Variants in GUCY1B1 observed in about 807,000 individuals in gnomAD.
GUCY1B1 encodes the protein guanylate cyclase 1 soluble subunit beta 1.
A neutral mutation model predicts 71.0 loss-of-function variants in GUCY1B1; 43 were observed. The observed-to-expected ratio is 0.61, with a 90% CI of 0.47 to 0.78. The LOEUF is 0.78. GUCY1B1 is among the 30% of genes least tolerant of loss of function. The probability of loss-of-function intolerance (pLI) is 0.00; values close to 1 mark genes in which losing one functional copy is unlikely to be tolerated. For synonymous variants in GUCY1B1, 266 were observed against 259.7 expected, an observed-to-expected ratio of 1.02 and a Z score of -0.23; for missense variants, 535 against 754.1, an observed-to-expected ratio of 0.71 and a Z score of 3.40.
At chr4:155,800,845 G>A (rs372841779) in intron 9 of GUCY1B1, among the ~76,000 whole-genome samples, 33 of 152,116 alleles carry the variant, frequency 2.2e-4, no homozygotes, top group South Asian at 2.1e-3. Context: ...AACATTTGGC[G>A]GAGCTTCTAA....
In GUCY1B1 at chr4:155,792,785, A is replaced by G. The variant is rs902634674; in HGVS notation, c.496-1071A>G. ...TTTGTAAGAGGGCTCATTGCTTGCAATTTCTTAACCCAAAAAGAAGAGGAA... is the reference window on the plus strand; with the variant it reads ...TTTGTAAGAGGGCTCATTGCTTGCAGTTTCTTAACCCAAAAAGAAGAGGAA... On this transcript the variant is annotated intron_variant, in intron 5 of 13. Coordinates refer to ENST00000264424, the MANE Select transcript of GUCY1B1 (RefSeq NM_000857.5). 3.9e-5 allele frequency among the ~76,000 whole-genome samples: 6 copies of G among 152,060 alleles called. No individual in the cohort carries two copies. The South Asian group carries it at 8.3e-4, about 21-fold the overall frequency.
At chr4:155,767,177 C>A (rs1737396973) in intron 2 of GUCY1B1, among the ~76,000 whole-genome samples, 1 of 152,124 alleles carries the variant, frequency 6.6e-6, no homozygotes, top group Non-Finnish European at 1.5e-5. Flanking sequence ...CAAAGACAAC[C>A]AATTTAGCAA....
intron 2 of GUCY1B1, among the ~76,000 whole-genome samples, chr4:155,766,438 T>C (rs1440323465): frequency 1.3e-5 from 2 of 152,182 alleles, no homozygotes; most frequent in Non-Finnish European, 2.9e-5. Context: ...CCTCTTTTTT[T>C]GTAGTGAGAA....
Position 155,803,776 on chromosome 4 carries a change from AAG to A in GUCY1B1, c.1554+13_1554+14del, listed in dbSNP as rs1740119843. On this transcript the variant is annotated intron_variant, in intron 11 of 13. Transcript: ENST00000264424. ...GTGAATCTGTTCAGGTTAGTAAATGAAGTAGATATTGTAATAATGGTATGTAA... is the reference window on the plus strand; with the variant it reads ...GTGAATCTGTTCAGGTTAGTAAATGATAGATATTGTAATAATGGTATGTAA... The A allele has an allele frequency of 2.0e-6, 3 of 1,532,624 alleles. No individual in the cohort carries two copies. Among genetic ancestry groups the A allele is most frequent in the Non-Finnish European group, 2.6e-6 (3 of 1,137,628 alleles). 94.9% of individuals were successfully genotyped at this position (1,532,624 alleles called of 1,614,324 possible).
intron 13 of GUCY1B1, among the ~76,000 whole-genome samples, chr4:155,805,815 C>A (rs948779791): frequency 2.6e-5 from 4 of 152,160 alleles, no homozygotes; most frequent in Non-Finnish European, 5.9e-5. Context: ...TGGTTATACT[C>A]CAGGCAGAGC....
intron 4 of GUCY1B1, among the ~76,000 whole-genome samples, chr4:155,785,042 A>C (rs1412904910): frequency 6.6e-6 from 1 of 152,162 alleles, no homozygotes; most frequent in Non-Finnish European, 1.5e-5. Flanking sequence ...TTTCTTTTAT[A>C]AATGATAAAT....
At chr4:155,774,298 C>A (rs1028225550) in intron 2 of GUCY1B1, among the ~76,000 whole-genome samples, 3 of 152,156 alleles carry the variant, frequency 2.0e-5, no homozygotes, top group African/African-American at 7.2e-5. Flanking sequence ...ACACCCCAGG[C>A]ATGCTCCTGC....
At chr4:155,764,670 G>A (rs1737211193) in intron 2 of GUCY1B1, among the ~76,000 whole-genome samples, 1 of 152,214 alleles carries the variant, frequency 6.6e-6, no homozygotes, top group African/African-American at 2.4e-5. Flanking sequence ...ATCCTTTTCT[G>A]TAGAAAGATC....
chr4:155,801,081 T>A (rs1333572762), intron 9 of GUCY1B1, among the ~76,000 whole-genome samples: 2 of 152,216 alleles, frequency 1.3e-5, no homozygotes, highest in African/African-American at 2.4e-5. Flanking sequence ...AAAAAGCTCT[T>A]AATTCACTTC....
Position 155,804,766 on chromosome 4 carries a change from G to A in GUCY1B1, c.1709+19G>A, listed in dbSNP as rs375200934. 3.8e-6 allele frequency: 6 copies of A among 1,598,592 alleles called. No homozygotes were observed. The African/African-American group carries it at 5.4e-5, about 14-fold the overall frequency. ...CATACAGGTGAGAGAAAATGTCTTG[G>A]TATTTACTGATTTGCAAAGAAAATG... On this transcript the variant is annotated intron_variant, in intron 12 of 13. Coordinates refer to ENST00000264424, the MANE Select transcript of GUCY1B1 (RefSeq NM_000857.5).
Position 155,759,049 on chromosome 4 carries a change from C to G in GUCY1B1, c.-92C>G. 1 of 1,355,464 alleles carries G rather than the reference C, an allele frequency of 7.4e-7. No individual in the cohort carries two copies. The highest frequency in any genetic ancestry group is 1.0e-6 in the Non-Finnish European group (1 of 973,158). The allele number at this position is 1,355,464 out of a possible 1,614,324, so 84.0% of individuals were successfully genotyped here. A position where few individuals can be genotyped will look rare whatever the true frequency, so the allele number is the denominator to read the frequency against. ...CCAGCTCGATGCTGCCTCCCCGGCCCGGTTGCGCTGTAGCCGCTGCCGCCT... is the reference window on the plus strand; with the variant it reads ...CCAGCTCGATGCTGCCTCCCCGGCCGGGTTGCGCTGTAGCCGCTGCCGCCT... On this transcript the variant is annotated 5_prime_UTR_variant, in exon 1 of 14. Transcript: ENST00000264424.
intron 2 of GUCY1B1, among the ~76,000 whole-genome samples, chr4:155,766,535 C>T (rs1579190935): frequency 1.3e-5 from 2 of 152,114 alleles, no homozygotes; most frequent in African/African-American, 4.8e-5. Context: ...TTAATAGTGA[C>T]ATTGCTGTGC....
At chr4:155,789,365 C>G (rs747598686) in intron 4 of GUCY1B1, among the ~76,000 whole-genome samples, 3 of 152,222 alleles carry the variant, frequency 2.0e-5, no homozygotes, top group Non-Finnish European at 4.4e-5. Context: ...GATCACAACA[C>G]GTAGAAACAG....
At position 155,806,683 on chromosome 4, in the gene GUCY1B1, T is replaced by C. The variant is rs1740341328; in HGVS notation, c.*274T>C. 1 of 381,614 alleles carries C rather than the reference T, an allele frequency of 2.6e-6. No homozygotes were observed. The allele number at this position is 381,614 out of a possible 1,614,324, so 23.6% of individuals were successfully genotyped here. Reference sequence around the variant, plus strand: ...GTGTCTTAAAATCTACTACAAGCATTACCTAACATGGTGATCTGCAAGTAG... The same window carrying C: ...GTGTCTTAAAATCTACTACAAGCATCACCTAACATGGTGATCTGCAAGTAG... On this transcript the variant is annotated 3_prime_UTR_variant, in exon 14 of 14. Coordinates refer to ENST00000264424, the MANE Select transcript of GUCY1B1 (RefSeq NM_000857.5).
Position 155,804,756 on chromosome 4 carries a change from A to C in GUCY1B1, c.1709+9A>C, listed in dbSNP as rs746385398. The C allele has an allele frequency of 6.2e-7, 1 of 1,606,978 alleles. No homozygotes were observed. The highest frequency in any genetic ancestry group is 1.7e-5 in the Admixed American group (1 of 59,228). ...TCTGAATATACATACAGGTGAGAGA[A>C]AATGTCTTGGTATTTACTGATTTGC... is the stretch of plus-strand genomic sequence containing the variant. On this transcript the variant is annotated intron_variant, in intron 12 of 13. Coordinates refer to ENST00000264424, the MANE Select transcript of GUCY1B1 (RefSeq NM_000857.5).
At chr4:155,793,347 G>T (rs370538588) in intron 5 of GUCY1B1, among the ~76,000 whole-genome samples, 2 of 152,282 alleles carry the variant, frequency 1.3e-5, no homozygotes, top group East Asian at 3.9e-4. Context: ...AAAGTGCTAG[G>T]ATTACAGGCG....
chr4:155,783,636 G>T (rs1275752761), intron 4 of GUCY1B1, among the ~76,000 whole-genome samples: 2 of 152,090 alleles, frequency 1.3e-5, no homozygotes, highest in Non-Finnish European at 2.9e-5. Context: ...TCCAGGTTTT[G>T]ACTTATTAAA....
chr4:155,759,928 C>T, intron 2 of GUCY1B1, 68 bp downstream of exon 2: 1 of 1,177,152 alleles, frequency 8.5e-7, no homozygotes, highest in Non-Finnish European at 1.3e-6. Context: ...CCGCGCCTCG[C>T]CTGGTCCTCA....
At position 155,806,730 on chromosome 4, in the gene GUCY1B1, T is replaced by A. The variant is rs1740344958; in HGVS notation, c.*321T>A. On this transcript the variant is annotated 3_prime_UTR_variant, in exon 14 of 14. Transcript: ENST00000264424. Reference sequence around the variant, plus strand: ...GTAGTAGGCACCCAATAAATATTTGTTGAATTTAGTTAAATGAAACTGAAC... The same window carrying A: ...GTAGTAGGCACCCAATAAATATTTGATGAATTTAGTTAAATGAAACTGAAC... 1 of 293,278 alleles carries A rather than the reference T, an allele frequency of 3.4e-6. No homozygotes were observed. Among genetic ancestry groups the A allele is most frequent in the African/African-American group, 2.2e-5 (1 of 45,910 alleles). 18.2% of individuals were successfully genotyped at this position (293,278 alleles called of 1,614,324 possible). A position where few individuals can be genotyped will look rare whatever the true frequency, so the allele number is the denominator to read the frequency against.
Sources: allele counts gnomAD v4.1 joint callset (sites outside exome capture counted in the v4.1 genomes callset), GRCh38; gene constraint gnomAD v4.1.1; transcripts MANE v1.5; gene names NCBI Gene and HGNC (gene_info 2026-07-23, HGNC 2026-07-21).